UGT3A2: variants seen among roughly 807,000 people sequenced by gnomAD.
UGT3A2 encodes UDP-glycosyltransferase 3A2.
Under a neutral mutation model 39.8 loss-of-function variants are expected in UGT3A2, and 32 were observed. The observed-to-expected ratio is 0.80, with a 90% CI of 0.61 to 1.08. The LOEUF (loss-of-function observed/expected upper bound fraction) is 1.08, where lower values mean the gene tolerates loss of function less well. Ranked by LOEUF, UGT3A2 falls within the 50% of genes least tolerant of loss-of-function variation. UGT3A2 has a pLI of 0.00. For synonymous variants in UGT3A2, 241 were observed against 230.7 expected (o/e 1.04, Z -0.40); for missense variants, 611 against 637.1 (o/e 0.96, Z 0.44).
rs757751722 is a variant in UGT3A2 at position 36,049,230 on chromosome 5, T to C, written c.502A>G (p.Thr168Ala). 3 of 1,614,100 alleles carry C rather than the reference T, an allele frequency of 1.9e-6. No individual in the cohort carries two copies. Among genetic ancestry groups the C allele is most frequent in the East Asian group, 2.2e-5 (1 of 44,876 alleles). ...CCAAATTCCAAAGAGCCGAATGAAG[T>C]GGAAAGAATGGCCACAAATGGCTTC... ...LGKPFVAILS[T>A]SFGSLEFGLP... Residue 168 changes from threonine (T) to alanine (A), a missense_variant, in exon 4 of 7, where the codon ACT becomes GCT. Transcript: ENST00000282507.
intron 2 of UGT3A2, among the ~76,000 whole-genome samples, chr5:36,058,193 C>G (rs1384962860): frequency 6.6e-6 from 1 of 152,102 alleles, no homozygotes; most frequent in African/African-American, 2.4e-5. Flanking sequence ...ATTGAATATC[C>G]AGCCATAAAA....
At chr5:36,058,620 A>G (rs1258090864) in intron 2 of UGT3A2, among the ~76,000 whole-genome samples, 2 of 152,098 alleles carry the variant, frequency 1.3e-5, no homozygotes. Context: ...CAGCTGACCA[A>G]TCGTTACCTC....
Position 36,035,939 on chromosome 5 carries a change from AG to A in UGT3A2, c.1330del (p.Leu444CysfsTer77). 1 of 1,614,040 alleles carries A rather than the reference AG, an allele frequency of 6.2e-7. No individual in the cohort carries two copies. The highest frequency in any genetic ancestry group is 8.5e-7 in the Non-Finnish European group (1 of 1,179,908). On this transcript the variant is annotated frameshift_variant, in exon 7 of 7. Coordinates refer to ENST00000282507, the MANE Select transcript of UGT3A2 (RefSeq NM_174914.4). LOFTEE classifies it low-confidence loss of function (END_TRUNC). The stretch of plus-strand genomic sequence containing the variant: ...TGTGGGGCTGAGCGGGTGGGAGCGC[AG>A]GATGACACTGGCAGCCACTGCCGCG... The part of the protein sequence containing the change: ...KSAAVAASVI[L>X]RSHPLSPTQR...
In UGT3A2 at chr5:36,035,278, A is replaced by G. The variant is rs1281337894; in HGVS notation, c.*420T>C. 1.5e-5 allele frequency: 3 copies of G among 200,982 alleles called. No homozygotes were observed. The highest frequency in any genetic ancestry group is 3.1e-5 in the Non-Finnish European group (3 of 96,542). The allele number at this position is 200,982 out of a possible 1,614,324, so 12.4% of individuals were successfully genotyped here. On this transcript the variant is annotated 3_prime_UTR_variant, in exon 7 of 7. Coordinates refer to ENST00000282507, the MANE Select transcript of UGT3A2 (RefSeq NM_174914.4). ...AGGTGTCTTTCTTGGATGTTATTCC[A>G]TGATAGATAGTAGGGGCAGGAGTGA...
intron 2 of UGT3A2, among the ~76,000 whole-genome samples, chr5:36,052,648 C>A (rs1742383685): frequency 6.6e-6 from 1 of 152,090 alleles, no homozygotes; most frequent in South Asian, 2.1e-4. Flanking sequence ...CATCCTACCC[C>A]TCCTCACAGT....
intron 6 of UGT3A2, among the ~76,000 whole-genome samples, chr5:36,037,343 G>A (rs1050784180): frequency 9.9e-5 from 15 of 152,250 alleles, no homozygotes; most frequent in South Asian, 4.1e-4. Flanking sequence ...TGTCAGAGGC[G>A]AACTCTAAGA....
intron 4 of UGT3A2, among the ~76,000 whole-genome samples, chr5:36,041,537 GGAGA>G (rs1217681305): frequency 1.3e-4 from 20 of 152,162 alleles, no homozygotes; most frequent in Non-Finnish European, 1.5e-5. Flanking sequence ...CTTAGCACAG[GGAGA>G]GAGAGAAACT....
chr5:36,060,610 G>A (rs1005107251), intron 2 of UGT3A2, among the ~76,000 whole-genome samples: 1 of 152,086 alleles, frequency 6.6e-6, no homozygotes, highest in Admixed American at 6.6e-5. Flanking sequence ...TCTTCCCCTG[G>A]CCCCTTTACA....
At chr5:36,060,850 C>T (rs554638662) in intron 2 of UGT3A2, among the ~76,000 whole-genome samples, 24 of 152,112 alleles carry the variant, frequency 1.6e-4, no homozygotes, top group Non-Finnish European at 2.8e-4. Flanking sequence ...TCCTTAAAGC[C>T]TCTAAACGGT....
Position 36,049,363 on chromosome 5 carries a change from ATGAC to A in UGT3A2, c.365_368del (p.Ser122IlefsTer3), listed in dbSNP as rs1742271239. Reference sequence around the variant, plus strand: ...CCATGATATCCTTTCTATTTAAAAAATGACTGCACTGCAACGCCAAGTATTCTAG... The same window carrying A: ...CCATGATATCCTTTCTATTTAAAAAATGCACTGCAACGCCAAGTATTCTAG... On this transcript the variant is annotated frameshift_variant, in exon 4 of 7. Coordinates refer to ENST00000282507, the MANE Select transcript of UGT3A2 (RefSeq NM_174914.4). LOFTEE classifies it high-confidence loss of function. 1 of 1,607,898 alleles carries A rather than the reference ATGAC, an allele frequency of 6.2e-7. No homozygotes were observed. Among genetic ancestry groups the A allele is most frequent in the African/African-American group, 1.3e-5 (1 of 74,494 alleles).
At chr5:36,051,624 T>C (rs549492655) in intron 3 of UGT3A2, among the ~76,000 whole-genome samples, 2 of 152,308 alleles carry the variant, frequency 1.3e-5, no homozygotes, top group African/African-American at 4.8e-5. Flanking sequence ...TCATAGTGTG[T>C]AAGAAAGACG....
chr5:36,037,158 C>A (rs774156609), intron 6 of UGT3A2, among the ~76,000 whole-genome samples: 1 of 152,176 alleles, frequency 6.6e-6, no homozygotes, highest in South Asian at 2.1e-4. Flanking sequence ...CCCAGCTACT[C>A]GGGAGGCTGA....
chr5:36,038,027 T>A lies in UGT3A2; in HGVS notation c.1076-11A>T. The A allele has an allele frequency of 6.3e-7, 1 of 1,578,758 alleles. No individual in the cohort carries two copies. Among genetic ancestry groups the A allele is most frequent in the African/African-American group, 1.4e-5 (1 of 73,460 alleles). On this transcript the variant is annotated splice_polypyrimidine_tract_variant and intron_variant, in intron 5 of 6. Transcript: ENST00000282507. ...GGATGCTTGGGTGAGCTGTTGTAAA[T>A]AAGAAAGAGGGTGGGACACTTCAGG...
chr5:36,048,306 T>G (rs1742230581), intron 4 of UGT3A2, among the ~76,000 whole-genome samples: 1 of 152,214 alleles, frequency 6.6e-6, no homozygotes, highest in African/African-American at 2.4e-5. Context: ...GCGCTGTGCA[T>G]TCAAATCACC....
At chr5:36,056,134 C>T (rs77316562) in intron 2 of UGT3A2, among the ~76,000 whole-genome samples, 22,736 of 152,166 alleles carry the variant, frequency 0.15, 3,566 homozygotes, top group African/African-American at 0.4. Flanking sequence ...CAGGACAGTT[C>T]TCAGGGTGGC....
In UGT3A2 at chr5:36,057,982, T is replaced by C. The variant is rs76966174; in HGVS notation, c.197-5998A>G. Among the ~76,000 whole-genome samples, 1,518 of 152,328 alleles carry C rather than the reference T, an allele frequency of 1.0e-2. 12 individuals are homozygous for C. The highest frequency in any genetic ancestry group is 0.027 in the Middle Eastern group (8 of 294). On this transcript the variant is annotated intron_variant, in intron 2 of 6. Transcript: ENST00000282507. ...AATATACTACAACTATTTAATCAGA[T>C]ATCCAGTTTAGGCAGATACGAAGGC...
At position 36,049,337 on chromosome 5, in the gene UGT3A2, T is replaced by G; in HGVS notation, c.395A>C (p.Asp132Ala). The G allele has an allele frequency of 6.2e-7, 1 of 1,613,340 alleles. No individual in the cohort carries two copies. The highest frequency in any genetic ancestry group is 8.5e-7 in the Non-Finnish European group (1 of 1,179,734). The change falls in exon 4 of 7, where the codon GAT becomes GCT. Residue 132 changes from aspartate (D) to alanine (A), a missense_variant. By Grantham distance (126) the Asp-to-Ala change is moderately radical. Coordinates refer to ENST00000282507, the MANE Select transcript of UGT3A2 (RefSeq NM_174914.4). ...SHFLNRKDIM[D>A]SLKNENFDMV... is the part of the protein sequence containing the mutation. ...GTCGAAGTTCTCATTCTTTAAGGAA[T>G]CCATGATATCCTTTCTATTTAAAAA...
chr5:36,056,522 G>GTC (rs1311973540), intron 2 of UGT3A2, among the ~76,000 whole-genome samples: 1 of 152,230 alleles, frequency 6.6e-6, no homozygotes, highest in Admixed American at 6.5e-5. Flanking sequence ...GTTGCGTTAT[G>GTC]TGGGTGTTCT....
At chr5:36,051,835 T>A in intron 3 of UGT3A2, 35 bp downstream of exon 3, 1 of 1,474,168 alleles carries the variant, frequency 6.8e-7, no homozygotes, top group Non-Finnish European at 9.3e-7. Flanking sequence ...ATGAAAATGG[T>A]GACCTTTTTG....
Sources: gnomAD v4.1 joint callset for allele counts (sites outside exome capture counted in the v4.1 genomes callset) on GRCh38, gnomAD v4.1.1 for gene constraint, MANE v1.5 for transcripts, NCBI Gene and HGNC (gene_info 2026-07-23, HGNC 2026-07-21) for gene names.